KIAA1217: variants seen among roughly 807,000 people sequenced by gnomAD.
KIAA1217 encodes sickle tail protein homolog.
In KIAA1217, 88 loss-of-function variants were observed where a neutral mutation model predicts 163.9. The observed-to-expected ratio is 0.54, with a 90% confidence interval of 0.45 to 0.64. The LOEUF (loss-of-function observed/expected upper bound fraction) is 0.64. Among genes scored for constraint, KIAA1217 ranks in the 30% least tolerant of loss-of-function variants. KIAA1217 has a pLI of 0.00. For missense variants in KIAA1217, 2,372 were observed against 2,475.0 expected, an observed-to-expected ratio of 0.96 and a Z score of 0.88; for synonymous variants, 903 against 923.1, an observed-to-expected ratio of 0.98 and a Z score of 0.39.
chr10:23,914,182 G>A (rs895826960), intron 1 of KIAA1217, among the ~76,000 whole-genome samples: 2 of 152,160 alleles, frequency 1.3e-5, no homozygotes, highest in Non-Finnish European at 2.9e-5. Context: ...GGCAGAGGAA[G>A]ACTCTTCCAG....
intron 3 of KIAA1217, among the ~76,000 whole-genome samples, chr10:24,386,645 C>T (rs901710876): frequency 1.1e-4 from 17 of 152,182 alleles, no homozygotes; most frequent in African/African-American, 4.1e-4. Flanking sequence ...ACAAACATAG[C>T]TCACTGCAGC....
chr10:24,308,978 C>T (rs1157778603), intron 2 of KIAA1217, among the ~76,000 whole-genome samples: 1 of 151,950 alleles, frequency 6.6e-6, no homozygotes, highest in Admixed American at 6.6e-5. Context: ...CAAAAATTAG[C>T]TAGGCATGGT....
At chr10:23,966,433 C>A (rs1467525109) in intron 1 of KIAA1217, among the ~76,000 whole-genome samples, 2 of 152,170 alleles carry the variant, frequency 1.3e-5, no homozygotes, top group Non-Finnish European at 2.9e-5. Flanking sequence ...CACATACCAA[C>A]CCACCAGGGT....
chr10:24,201,877 CT>C (rs1647818546), intron 2 of KIAA1217, among the ~76,000 whole-genome samples: 1 of 152,152 alleles, frequency 6.6e-6, no homozygotes, highest in African/African-American at 2.4e-5. Flanking sequence ...ACAGTGAGCC[CT>C]TTGAGTCTCT....
At chr10:24,023,735 C>G (rs1326345863) in intron 2 of KIAA1217, among the ~76,000 whole-genome samples, 1 of 151,362 alleles carries the variant, frequency 6.6e-6, no homozygotes, top group Non-Finnish European at 1.5e-5. Flanking sequence ...ATAATGAAAA[C>G]AGAATAATCA....
At chr10:23,712,324 C>A (rs1174387365) in intron 1 of KIAA1217, among the ~76,000 whole-genome samples, 1 of 151,942 alleles carries the variant, frequency 6.6e-6, no homozygotes, top group Non-Finnish European at 1.5e-5. Context: ...TTTGCCAAGA[C>A]TGGGAGATGG....
intron 1 of KIAA1217, among the ~76,000 whole-genome samples, chr10:23,842,001 G>A (rs1298411954): frequency 1.3e-5 from 2 of 151,920 alleles, no homozygotes; most frequent in Non-Finnish European, 2.9e-5. Context: ...CCAAGTAGCT[G>A]GGATTACAGG....
chr10:23,868,297 G>C (rs1213682970), intron 1 of KIAA1217, among the ~76,000 whole-genome samples: 1 of 152,098 alleles, frequency 6.6e-6, no homozygotes, highest in African/African-American at 2.4e-5. Flanking sequence ...AGTTAAGCCA[G>C]GCCTGGCATG....
At chr10:24,497,925 C>T (rs1416323957) in intron 8 of KIAA1217, among the ~76,000 whole-genome samples, 1 of 151,980 alleles carries the variant, frequency 6.6e-6, no homozygotes, top group Non-Finnish European at 1.5e-5. Context: ...CCGACTTCTC[C>T]ACTATACAAT....
chr10:24,211,604 T>TGTA (rs2068134804), intron 1 of KIAA1217, among the ~76,000 whole-genome samples: 1 of 149,776 alleles, frequency 6.7e-6, no homozygotes, highest in Non-Finnish European at 1.5e-5. Flanking sequence ...TTTATTTTAT[T>TGTA]TTAGAGAAGG....
At chr10:24,540,936 T>A (rs2074958144) in intron 17 of KIAA1217, among the ~76,000 whole-genome samples, 1 of 151,766 alleles carries the variant, frequency 6.6e-6, no homozygotes, top group South Asian at 2.1e-4. Flanking sequence ...GCCCAGCTAA[T>A]TTTTATATTT....
intron 2 of KIAA1217, among the ~76,000 whole-genome samples, chr10:24,283,615 A>G (rs550374416): frequency 5.1e-4 from 77 of 152,220 alleles, no homozygotes; most frequent in South Asian, 5.0e-3. Flanking sequence ...GCAGTGAGCC[A>G]ATGTTGTGCC....
chr10:24,198,524 G>T (rs2067095281), intron 2 of KIAA1217, among the ~76,000 whole-genome samples: 1 of 150,932 alleles, frequency 6.6e-6, no homozygotes, highest in Non-Finnish European at 1.5e-5. Context: ...CAGGAGAATT[G>T]CTTGAACCCG....
chr10:24,449,217 A>G (rs2061202313), intron 5 of KIAA1217, among the ~76,000 whole-genome samples: 2 of 152,142 alleles, frequency 1.3e-5, no homozygotes. Context: ...ATAAAGTCTT[A>G]TTTTTTAGAA....
intron 6 of KIAA1217, among the ~76,000 whole-genome samples, chr10:24,489,171 G>A (rs2065782354): frequency 6.6e-6 from 1 of 152,050 alleles, no homozygotes; most frequent in South Asian, 2.1e-4. Context: ...ACTACAGTGG[G>A]TTGAGGCTGC....
intron 1 of KIAA1217, among the ~76,000 whole-genome samples, chr10:23,730,577 G>T (rs1838420139): frequency 2.0e-5 from 3 of 152,054 alleles, no homozygotes; most frequent in Admixed American, 1.3e-4. Context: ...TATAGATCTA[G>T]TTGGGAAGAA....
At chr10:24,101,851 T>G (rs980053501) in intron 2 of KIAA1217, among the ~76,000 whole-genome samples, 19 of 152,210 alleles carry the variant, frequency 1.2e-4, no homozygotes, top group Non-Finnish European at 2.8e-4. Flanking sequence ...TTATCTTGGA[T>G]GTTGGATTTT....
intron 5 of KIAA1217, among the ~76,000 whole-genome samples, chr10:24,456,788 C>T (rs570097885): frequency 2.7e-4 from 41 of 151,696 alleles, no homozygotes; most frequent in Admixed American, 1.4e-3. Context: ...CTGCAACCTC[C>T]GCCTCCCAGG....
intron 2 of KIAA1217, among the ~76,000 whole-genome samples, chr10:24,284,598 T>C (rs1201947697): frequency 6.6e-6 from 1 of 152,202 alleles, no homozygotes; most frequent in Non-Finnish European, 1.5e-5. Flanking sequence ...ATGGTGTAAA[T>C]GTACCACATT....
Sources: allele counts gnomAD v4.1 joint callset (sites outside exome capture counted in the v4.1 genomes callset), GRCh38; gene constraint gnomAD v4.1.1; transcripts MANE v1.5; gene names NCBI Gene and HGNC (gene_info 2026-07-23, HGNC 2026-07-21).